The following MEIS2 variants were observed in gnomAD, a reference collection of about 807,000 sequenced individuals.
The protein encoded by MEIS2 is Meis homeobox 2, also known as homeobox protein Meis2.
Under a neutral mutation model 58.6 loss-of-function variants are expected in MEIS2, and 9 were observed. That is an observed-to-expected ratio of 0.15 (90% CI 0.09 to 0.27). MEIS2 has a LOEUF of 0.27. MEIS2 is among the 10% of genes least tolerant of loss of function. MEIS2 has a pLI of 1.00. For synonymous variants in MEIS2, 221 were observed against 228.4 expected, an observed-to-expected ratio of 0.97 and a Z score of 0.29; for missense variants, 427 against 635.0, an observed-to-expected ratio of 0.67 and a Z score of 3.52.
In MEIS2 at chr15:37,095,633, C is replaced by A; in HGVS notation, c.388-19G>T. The A allele has an allele frequency of 6.2e-7, 1 of 1,614,080 alleles. No individual in the cohort carries two copies. The highest frequency in any genetic ancestry group is 8.5e-7 in the Non-Finnish European group (1 of 1,180,022). On this transcript the variant is annotated intron_variant, in intron 3 of 11. Transcript: ENST00000561208. ...CGCGAACCTGTAAGAAACAGAGAGT[C>A]AACTTGAACGATCACCCCATTTAAA... is the stretch of plus-strand genomic sequence containing the variant.
At chr15:37,042,003 CCT>C (rs2062443179) in intron 7 of MEIS2, among the ~76,000 whole-genome samples, 1 of 151,764 alleles carries the variant, frequency 6.6e-6, no homozygotes, top group Non-Finnish European at 1.5e-5. Context: ...ATAGTGAGAC[CCT>C]CTCTCTACAA....
intron 8 of MEIS2, among the ~76,000 whole-genome samples, chr15:37,000,424 A>G (rs2060679526): frequency 6.6e-6 from 1 of 152,124 alleles, no homozygotes; most frequent in Admixed American, 6.5e-5. Context: ...TTTACTCTTC[A>G]TCTTTCTGCA....
chr15:36,902,228 T>C (rs572851413), intron 9 of MEIS2, among the ~76,000 whole-genome samples: 33 of 152,332 alleles, frequency 2.2e-4, no homozygotes, highest in Non-Finnish European at 4.7e-4. Context: ...TAGATAGTAA[T>C]TAGGAATAGG....
intron 1 of MEIS2, 164 bp downstream of exon 1, chr15:37,099,291 G>A: frequency 6.7e-7 from 1 of 1,491,412 alleles, no homozygotes; most frequent in Non-Finnish European, 8.9e-7. Context: ...CAGAGGCACG[G>A]GAGGGAAAGA....
chr15:36,947,142 A>T (rs1364452076), intron 9 of MEIS2, among the ~76,000 whole-genome samples: 1 of 151,992 alleles, frequency 6.6e-6, no homozygotes, highest in Non-Finnish European at 1.5e-5. Flanking sequence ...TTTAAAAGAA[A>T]GTCTTAATTA....
intron 10 of MEIS2, among the ~76,000 whole-genome samples, chr15:36,896,184 A>G (rs1174906559): frequency 6.6e-6 from 1 of 152,258 alleles, no homozygotes; most frequent in East Asian, 1.9e-4. Context: ...GCAGCAAGTC[A>G]GGCTTTAATA....
At position 36,892,313 on chromosome 15, in the gene MEIS2, G is replaced by A. The variant is rs1445101744; in HGVS notation, c.1294C>T (p.His432Tyr). ...ATCATCATGGCTGGGTGGTGGGGAT[G>A]GCTTGGCAAATATGAATGCATTGGG... Reference protein sequence around the residue: ...GPPMHSYLPSHPHHPAMMMHG... With the variant: ...GPPMHSYLPSYPHHPAMMMHG... Residue 432 changes from histidine to tyrosine, a missense_variant, in exon 12 of 12, where the codon CAT becomes TAT. Physicochemically the swap from His to Tyr is moderately conservative, Grantham distance 83. Transcript: ENST00000561208. 1.2e-6 allele frequency: 2 copies of A among 1,613,740 alleles called. No homozygotes were observed. The highest frequency in any genetic ancestry group is 1.7e-6 in the Non-Finnish European group (2 of 1,179,940).
intron 9 of MEIS2, among the ~76,000 whole-genome samples, chr15:36,935,123 T>G (rs546661820): frequency 6.6e-6 from 1 of 152,246 alleles, no homozygotes; most frequent in Non-Finnish European, 1.5e-5. Flanking sequence ...GGTTGTTAAG[T>G]TTCCAATGGT....
chr15:37,057,508 G>T (rs1888592862), intron 7 of MEIS2, among the ~76,000 whole-genome samples: 2 of 152,122 alleles, frequency 1.3e-5, no homozygotes, highest in Non-Finnish European at 2.9e-5. Flanking sequence ...CCAAGGTAAA[G>T]AACAATTCAT....
At chr15:36,914,228 C>T (rs138991808) in intron 9 of MEIS2, among the ~76,000 whole-genome samples, 306 of 152,248 alleles carry the variant, frequency 2.0e-3, no homozygotes, top group African/African-American at 6.8e-3. Context: ...GATGGAGAAG[C>T]GTAAGAATCC....
At chr15:37,090,676 T>C (rs1041602891) in intron 6 of MEIS2, among the ~76,000 whole-genome samples, 15 of 151,522 alleles carry the variant, frequency 9.9e-5, no homozygotes, top group African/African-American at 3.4e-4. Flanking sequence ...CACACACGAG[T>C]ATGCACACAC....
rs2061478218 is a variant in MEIS2 at position 37,020,228 on chromosome 15, G to A, written c.900+16586C>T. On this transcript the variant is annotated intron_variant, in intron 8 of 11. Transcript: ENST00000561208. The stretch of plus-strand genomic sequence containing the variant: ...GCGTGTATTAATCACAGGTCCTGAG[G>A]AGGGGTCAAGAGCACAGTCTGACAA... 2.0e-5 allele frequency among the ~76,000 whole-genome samples: 3 copies of A among 152,092 alleles called. No individual in the cohort carries two copies. The South Asian group carries it at 6.2e-4, about 32-fold the overall frequency.
chr15:37,093,919 G>A (rs894195678), intron 5 of MEIS2, 189 bp from the exon 6 acceptor site: 5 of 638,780 alleles, frequency 7.8e-6, no homozygotes, highest in Non-Finnish European at 1.3e-5. Context: ...AGTAATTGTT[G>A]CAGCAGATAT....
chr15:37,062,514 C>A (rs539713479), intron 7 of MEIS2, among the ~76,000 whole-genome samples: 2 of 152,168 alleles, frequency 1.3e-5, no homozygotes, highest in Non-Finnish European at 2.9e-5. Context: ...ACAAAGAAGA[C>A]GGAAACGTAC....
intron 8 of MEIS2, among the ~76,000 whole-genome samples, chr15:36,964,859 GA>G (rs1425918118): frequency 6.6e-6 from 1 of 152,176 alleles, no homozygotes; most frequent in African/African-American, 2.4e-5. Flanking sequence ...AATACTGGCA[GA>G]AATAGGTTGG....
intron 8 of MEIS2, among the ~76,000 whole-genome samples, chr15:37,031,585 A>T (rs2061926762): frequency 6.6e-6 from 1 of 152,086 alleles, no homozygotes; most frequent in Non-Finnish European, 1.5e-5. Context: ...CTGTAGGATG[A>T]TATCCTTTAT....
chr15:36,924,861 CG>C (rs1480213373), intron 9 of MEIS2, among the ~76,000 whole-genome samples: 1 of 152,190 alleles, frequency 6.6e-6, no homozygotes, highest in Non-Finnish European at 1.5e-5. Context: ...CTCTTGCAAA[CG>C]GAGATACAGT....
intron 7 of MEIS2, among the ~76,000 whole-genome samples, chr15:37,067,936 A>G (rs1044542341): frequency 9.9e-4 from 151 of 152,266 alleles, no homozygotes; most frequent in Admixed American, 6.3e-3. Context: ...CGGTGGTCAC[A>G]TGCATATTAT....
chr15:36,993,466 C>G (rs965352283), intron 8 of MEIS2, among the ~76,000 whole-genome samples: 4 of 152,002 alleles, frequency 2.6e-5, no homozygotes, highest in Non-Finnish European at 4.4e-5. Flanking sequence ...ATTTGTTTTT[C>G]AACCAAAAGA....
Sources: allele counts gnomAD v4.1 joint callset (sites outside exome capture counted in the v4.1 genomes callset), GRCh38; gene constraint gnomAD v4.1.1; transcripts MANE v1.5; gene names NCBI Gene and HGNC (gene_info 2026-07-23, HGNC 2026-07-21).